The following CPVL variants were observed in gnomAD, a reference collection of about 807,000 sequenced individuals.
CPVL encodes probable serine carboxypeptidase CPVL.
Under a neutral mutation model 63.7 loss-of-function variants are expected in CPVL, and 51 were observed. The ratio of observed to expected loss-of-function variants is 0.80; its 90% CI spans 0.64 to 1.01. CPVL has a LOEUF of 1.01. Among genes scored for constraint, CPVL ranks in the 50% least tolerant of loss-of-function variants. The probability of loss-of-function intolerance (pLI) is 0.00; values close to 1 mark genes in which losing one functional copy is unlikely to be tolerated. For synonymous variants in CPVL, 195 were observed against 206.0 expected, an observed-to-expected ratio of 0.95 and a Z score of 0.46; for missense variants, 530 against 573.1, an observed-to-expected ratio of 0.92 and a Z score of 0.77.
rs1039554832 is a variant in CPVL at position 29,120,978 on chromosome 7, G to C, written c.84C>G (p.Tyr28Ter). Residue 28 changes from tyrosine to a stop codon, truncating the protein, a stop_gained, in exon 2 of 13, where the codon TAC (tyrosine) becomes TAG (stop). Coordinates refer to ENST00000265394, the MANE Select transcript of CPVL (RefSeq NM_031311.5). LOFTEE classifies it high-confidence loss of function. ...CCTTAGGTGGCATGGAAACACTTCT[G>C]TATAGGGAGCGAAACAGCCCATCAC... is the stretch of plus-strand genomic sequence containing the variant. ...GPCDGLFRSL[Y>*]RSVSMPPKGD... The C allele has an allele frequency of 6.2e-7, 1 of 1,613,976 alleles. No individual in the cohort carries two copies. Among genetic ancestry groups the C allele is most frequent in the South Asian group, 1.1e-5 (1 of 91,034 alleles).
chr7:29,036,521 T>A (rs1312939889), intron 11 of CPVL, among the ~76,000 whole-genome samples: 2 of 152,200 alleles, frequency 1.3e-5, no homozygotes, highest in Non-Finnish European at 2.9e-5. Flanking sequence ...TAGGAAGAAA[T>A]CCAGCCAGGA....
intron 11 of CPVL, among the ~76,000 whole-genome samples, chr7:29,048,106 C>T (rs1162462505): frequency 6.6e-6 from 1 of 152,068 alleles, no homozygotes; most frequent in East Asian, 1.9e-4. Context: ...GCATAAATCA[C>T]ACGGGACCTA....
chr7:29,136,696 C>T (rs1791264165), intron 1 of CPVL, among the ~76,000 whole-genome samples: 1 of 152,120 alleles, frequency 6.6e-6, no homozygotes, highest in African/African-American at 2.4e-5. Flanking sequence ...AATTTTTTAT[C>T]ATGAGAATTA....
intron 9 of CPVL, among the ~76,000 whole-genome samples, chr7:29,067,768 GTAT>G (rs992626869): frequency 2.0e-5 from 3 of 152,070 alleles, no homozygotes; most frequent in African/African-American, 7.2e-5. Flanking sequence ...ATCAGATAAG[GTAT>G]TATTATTCTA....
chr7:29,066,537 TAA>T (rs1221668238), intron 9 of CPVL, among the ~76,000 whole-genome samples: 1 of 152,008 alleles, frequency 6.6e-6, no homozygotes, highest in African/African-American at 2.4e-5. Flanking sequence ...GGCATTTGAG[TAA>T]AGACATATTG....
intron 1 of CPVL, among the ~76,000 whole-genome samples, chr7:29,139,232 G>A (rs1010190988): frequency 6.6e-6 from 1 of 152,192 alleles, no homozygotes; most frequent in South Asian, 2.1e-4. Context: ...TTGCCAACAG[G>A]TATATCCTTG....
intron 5 of CPVL, among the ~76,000 whole-genome samples, chr7:29,162,221 A>G (rs941312223): frequency 2.6e-5 from 4 of 152,232 alleles, no homozygotes; most frequent in African/African-American, 9.6e-5. Flanking sequence ...CTGTTCACAA[A>G]TGTATGTGTA....
At chr7:29,056,647 A>G (rs1603907) in intron 11 of CPVL, among the ~76,000 whole-genome samples, 127,736 of 152,172 alleles carry the variant, frequency 0.84, 54,424 homozygotes, top group African/African-American at 0.96. Flanking sequence ...ATAGCCCTGT[A>G]CAGATTTTTG....
Position 29,096,170 on chromosome 7 carries a change from C to T in CPVL, c.336G>A (p.Pro112=), listed in dbSNP as rs755044264. The stretch of plus-strand genomic sequence containing the variant: ...AGAGTCCAAACATGGATGAACCTCC[C>T]GGCCCACCCTGTAGCCAGAGAACTA... The part of the protein sequence containing the change: ...APVVLWLQGG[P]GGSSMFGLFV... Residue 112 remains proline, a synonymous_variant, in exon 4 of 13, where the codon CCG becomes CCA. Transcript: ENST00000265394. 1.5e-5 allele frequency: 24 copies of T among 1,614,040 alleles called. No homozygotes were observed. The highest frequency in any genetic ancestry group is 2.2e-5 in the East Asian group (1 of 44,890).
chr7:29,100,621 C>A (rs965450129), intron 3 of CPVL, among the ~76,000 whole-genome samples: 2 of 152,186 alleles, frequency 1.3e-5, no homozygotes, highest in African/African-American at 2.4e-5. Context: ...ACTACAAAGT[C>A]AAGTCAAACA....
intron 5 of CPVL, among the ~76,000 whole-genome samples, chr7:29,176,988 G>T (rs764441303): frequency 1.5e-4 from 22 of 151,346 alleles, no homozygotes; most frequent in Non-Finnish European, 2.5e-4. Context: ...AAATGGGAAT[G>T]AAAAAAAATC....
chr7:29,031,435 C>A (rs1227804243), intron 11 of CPVL, among the ~76,000 whole-genome samples: 1 of 152,138 alleles, frequency 6.6e-6, no homozygotes, highest in East Asian at 1.9e-4. Flanking sequence ...GGAAAAACAA[C>A]ACTGAGGTAA....
At chr7:29,061,412 C>CA (rs1791267006) in intron 11 of CPVL, among the ~76,000 whole-genome samples, 1 of 151,816 alleles carries the variant, frequency 6.6e-6, no homozygotes, top group South Asian at 2.1e-4. Context: ...AACTCTGTCT[C>CA]AAAAAAGAAA....
intron 9 of CPVL, 36 bp downstream of exon 9, chr7:29,071,737 A>AT: frequency 1.4e-6 from 1 of 708,938 alleles, no homozygotes; most frequent in African/African-American, 1.9e-5. Context: ...GATGGTTTTA[A>AT]TTGCTCAAGG....
rs1785579305 is a variant in CPVL, at chr7:29,089,738, C to T, written c.542+2885G>A. 2.0e-5 allele frequency among the ~76,000 whole-genome samples: 3 copies of T among 152,218 alleles called. 1 individual carries two copies. Among genetic ancestry groups the T allele is most frequent in the African/African-American group, 4.8e-5 (2 of 41,470 alleles). On this transcript the variant is annotated intron_variant, in intron 6 of 12. Coordinates refer to ENST00000265394, the MANE Select transcript of CPVL (RefSeq NM_031311.5). Reference sequence around the variant, plus strand: ...TAATTAAAAGTGGGTTTAAATACAACTGCAAAATTGCCCTAAGCTGCTACT... The same window carrying T: ...TAATTAAAAGTGGGTTTAAATACAATTGCAAAATTGCCCTAAGCTGCTACT...
In CPVL at chr7:29,135,350, G is replaced by T. The variant is rs867328380; in HGVS notation, c.-11+11079C>A. On this transcript the variant is annotated intron_variant, in intron 1 of 12. Transcript: ENST00000265394. The stretch of plus-strand genomic sequence containing the variant: ...ATTGTATTAGATTTTTTTTTTTTTT[G>T]AGACGGAGTCTTGCTCTGTCGCCCA... 7.4e-4 allele frequency among the ~76,000 whole-genome samples: 106 copies of T among 142,632 alleles called. No individual in the cohort carries two copies. The South Asian group carries it at 0.013, about 18-fold the overall frequency. 93.6% of individuals were successfully genotyped at this position (142,632 alleles called of 152,430 possible). A position where few individuals can be genotyped will look rare whatever the true frequency, so the allele number is the denominator to read the frequency against.
intron 11 of CPVL, among the ~76,000 whole-genome samples, chr7:29,045,472 T>C (rs1025410184): frequency 6.6e-6 from 1 of 152,202 alleles, no homozygotes; most frequent in African/African-American, 2.4e-5. Flanking sequence ...TAGAGTTAGC[T>C]TCCTTCTCTG....
chr7:29,138,310 T>C (rs971099898), intron 1 of CPVL, among the ~76,000 whole-genome samples: 2 of 152,098 alleles, frequency 1.3e-5, no homozygotes, highest in Admixed American at 6.5e-5. Context: ...CTTGGTGGTA[T>C]GTGCCTGTAA....
chr7:29,054,918 A>G (rs1790551075), intron 11 of CPVL, among the ~76,000 whole-genome samples: 1 of 152,232 alleles, frequency 6.6e-6, no homozygotes, highest in Admixed American at 6.5e-5. Flanking sequence ...TAAATTCAAC[A>G]ACTGTATCAT....
Sources: gnomAD v4.1 joint callset for allele counts (sites outside exome capture counted in the v4.1 genomes callset) on GRCh38, gnomAD v4.1.1 for gene constraint, MANE v1.5 for transcripts, NCBI Gene and HGNC (gene_info 2026-07-23, HGNC 2026-07-21) for gene names.